Variants in LUC7L observed in about 807,000 individuals in gnomAD.
LUC7L encodes the protein putative RNA-binding protein Luc7-like 1.
Under a neutral mutation model 51.1 loss-of-function variants are expected in LUC7L, and 29 were observed. The observed-to-expected ratio is 0.57, with a 90% CI of 0.42 to 0.77. The LOEUF is 0.77. Ranked by LOEUF, LUC7L falls within the 30% of genes least tolerant of loss-of-function variation. LUC7L has a pLI of 0.00. For missense variants in LUC7L, 403 were observed against 511.9 expected, an observed-to-expected ratio of 0.79 and a Z score of 2.05; for synonymous variants, 181 against 180.7, an observed-to-expected ratio of 1.00 and a Z score of -0.01.
intron 5 of LUC7L, among the ~76,000 whole-genome samples, chr16:203,575 G>T (rs1309902429): frequency 1.3e-5 from 2 of 152,122 alleles, no homozygotes; most frequent in Non-Finnish European, 2.9e-5. Flanking sequence ...GGGCTTGGTG[G>T]CATGTGCCTT....
intron 2 of LUC7L, among the ~76,000 whole-genome samples, chr16:224,990 A>C (rs1340356462): frequency 6.6e-6 from 1 of 152,182 alleles, no homozygotes; most frequent in Non-Finnish European, 1.5e-5. Context: ...GCAGGGAAAA[A>C]TACTACTGGC....
intron 3 of LUC7L, among the ~76,000 whole-genome samples, chr16:219,735 G>A (rs2049912564): frequency 1.3e-5 from 2 of 152,226 alleles, no homozygotes; most frequent in South Asian, 2.1e-4. Flanking sequence ...AGCCGGGCAT[G>A]GCGGCTCATG....
At chr16:214,493 T>C (rs1371037385) in intron 3 of LUC7L, among the ~76,000 whole-genome samples, 1 of 152,198 alleles carries the variant, frequency 6.6e-6, no homozygotes, top group Non-Finnish European at 1.5e-5. Context: ...CAAATTTCAA[T>C]CTCATAAACA....
At chr16:205,093 C>G (rs1280147358) in intron 5 of LUC7L, among the ~76,000 whole-genome samples, 1 of 152,186 alleles carries the variant, frequency 6.6e-6, no homozygotes, top group African/African-American at 2.4e-5. Context: ...TTAGGCAGCC[C>G]TGATTTAATA....
chr16:200,889 T>C (rs1230400218), intron 5 of LUC7L, among the ~76,000 whole-genome samples: 2 of 151,558 alleles, frequency 1.3e-5, no homozygotes, highest in Non-Finnish European at 2.9e-5. Flanking sequence ...GACCCTCTAA[T>C]ATTAAAAAAA....
At chr16:205,141 G>T (rs2049446359) in intron 5 of LUC7L, among the ~76,000 whole-genome samples, 1 of 152,116 alleles carries the variant, frequency 6.6e-6, no homozygotes, top group African/African-American at 2.4e-5. Flanking sequence ...ATCTCTCTAC[G>T]GCGAATGCTG....
chr16:218,054 A>T (rs1014843851), intron 3 of LUC7L, among the ~76,000 whole-genome samples: 6 of 150,300 alleles, frequency 4.0e-5, no homozygotes, highest in Non-Finnish European at 7.4e-5. Flanking sequence ...TTAGCCAGGC[A>T]TGGTGGCAGG....
chr16:197,332 C>A (rs911015795), intron 6 of LUC7L, among the ~76,000 whole-genome samples: 1 of 151,374 alleles, frequency 6.6e-6, no homozygotes, highest in Non-Finnish European at 1.5e-5. Context: ...CCTGCCTCAG[C>A]CTCCCGAGTA....
chr16:204,086 T>C (rs1053047802), intron 5 of LUC7L, among the ~76,000 whole-genome samples: 3 of 152,056 alleles, frequency 2.0e-5, no homozygotes, highest in African/African-American at 7.2e-5. Context: ...ATGAAATATT[T>C]AGGTAGAAAT....
In LUC7L at chr16:190,029, G is replaced by A. The variant is rs749623104; in HGVS notation, c.913C>T (p.Arg305Cys). Reference sequence around the variant, plus strand: ...TGTCCCCGGCTGTGGCTCCGGGAACGGCTGCGGTGGCGCCGATGTCTATCT... The same window carrying A: ...TGTCCCCGGCTGTGGCTCCGGGAACAGCTGCGGTGGCGCCGATGTCTATCT... ...SRDRHRRHRS[R>C]SRSHSRGHRR... The change falls in exon 9 of 10, where the codon CGT becomes TGT. Residue 305 changes from arginine to cysteine, a missense_variant. Around this residue, in one of 3 missense-constraint regions of LUC7L, gnomAD observed 206 missense variants for 218.3 expected, o/e 0.94. Transcript: ENST00000293872. The A allele has an allele frequency of 1.2e-5, 20 of 1,614,012 alleles. No individual in the cohort carries two copies. The highest frequency in any genetic ancestry group is 1.0e-4 in the Admixed American group (6 of 60,012).
At chr16:191,918 T>C (rs1162932123) in intron 7 of LUC7L, among the ~76,000 whole-genome samples, 1 of 152,178 alleles carries the variant, frequency 6.6e-6, no homozygotes, top group East Asian at 1.9e-4. Flanking sequence ...TTTGGGAACC[T>C]TCCTGGACAA....
intron 1 of LUC7L, chr16:227,634 A>C: frequency 8.5e-7 from 1 of 1,176,230 alleles, no homozygotes; most frequent in African/African-American, 1.6e-5. Context: ...CTCCACATAT[A>C]CATGTGGCAA....
intron 2 of LUC7L, among the ~76,000 whole-genome samples, chr16:223,049 C>T (rs1022707720): frequency 6.6e-6 from 1 of 151,032 alleles, no homozygotes; most frequent in African/African-American, 2.4e-5. Flanking sequence ...TCTTGGGATG[C>T]AGTCTCATAG....
Position 229,365 on chromosome 16 carries a change from G to C in LUC7L, c.-26C>G. 6.7e-7 allele frequency: 1 copy of C among 1,488,358 alleles called. No homozygotes were observed. The highest frequency in any genetic ancestry group is 8.9e-7 in the Non-Finnish European group (1 of 1,120,408). 92.2% of individuals were successfully genotyped at this position (1,488,358 alleles called of 1,614,324 possible). ...GGTAGCCGGCGGAGGCGACGGGGTC[G>C]GCCGCGACGACTTCTCTCAGGCAGG... On this transcript the variant is annotated 5_prime_UTR_variant, in exon 1 of 10. Coordinates refer to ENST00000293872, the MANE Select transcript of LUC7L (RefSeq NM_201412.3).
rs543815468 is a variant in LUC7L, at chr16:205,346, T to C, written c.510+658A>G. Among the ~76,000 whole-genome samples the C allele has an allele frequency of 1.6e-4, 24 of 152,300 alleles. No homozygotes were observed. In the Middle Eastern group the frequency reaches 0.01, roughly 65 times the overall value. On this transcript the variant is annotated intron_variant, in intron 5 of 9. Coordinates refer to ENST00000293872, the MANE Select transcript of LUC7L (RefSeq NM_201412.3). ...TTAAGTTTTGACAAATGTTACCTTT[T>C]CATAATAGACTTGTGTATATTTTAT... is the stretch of plus-strand genomic sequence containing the variant.
At chr16:189,892 G>C (rs202217161) in intron 9 of LUC7L, 76 bp downstream of exon 9, 11 of 1,545,784 alleles carry the variant, frequency 7.1e-6, no homozygotes, top group African/African-American at 1.4e-5. Context: ...CACCAGACAC[G>C]GCCCTCAGCA....
intron 6 of LUC7L, among the ~76,000 whole-genome samples, chr16:195,465 C>A (rs2049123395): frequency 6.6e-6 from 1 of 152,106 alleles, no homozygotes; most frequent in Non-Finnish European, 1.5e-5. Flanking sequence ...CCTCTGTTGT[C>A]TAGGTTGGAG....
chr16:220,892 T>C (rs2049946231), intron 2 of LUC7L, 145 bp from the exon 3 acceptor site: 1 of 616,742 alleles, frequency 1.6e-6, no homozygotes, highest in African/African-American at 1.8e-5. Context: ...AGAAAGGAGA[T>C]ATGGCTGAGA....
At chr16:204,435 T>C (rs1360692681) in intron 5 of LUC7L, among the ~76,000 whole-genome samples, 2 of 151,516 alleles carry the variant, frequency 1.3e-5, no homozygotes, top group Non-Finnish European at 2.9e-5. Context: ...CTACTGAAAG[T>C]ACAAAAAAAT....
Sources: gnomAD v4.1 joint callset for allele counts (sites outside exome capture counted in the v4.1 genomes callset) on GRCh38, gnomAD v4.1.1 for gene constraint, gnomAD v4.1.1 regional missense constraint, MANE v1.5 for transcripts, NCBI Gene and HGNC (gene_info 2026-07-23, HGNC 2026-07-21) for gene names.